The following GALNT13 variants were observed in gnomAD, a reference collection of about 807,000 sequenced individuals.
GALNT13 encodes UDP-GalNAc:polypeptide N-acetylgalactosaminyltransferase 13.
GALNT13 carries 28 observed loss-of-function variants against 64.2 expected under a neutral mutation model. That is an observed-to-expected ratio of 0.44 (90% CI 0.32 to 0.60). The LOEUF (loss-of-function observed/expected upper bound fraction) is 0.60, where lower values mean the gene tolerates loss of function less well. GALNT13 is among the 20% of genes least tolerant of loss of function. The probability of loss-of-function intolerance (pLI) is 0.05; values close to 1 mark genes in which losing one functional copy is unlikely to be tolerated. For missense variants in GALNT13, 577 were observed against 669.8 expected (o/e 0.86, Z 1.53); for synonymous variants, 214 against 224.6 (o/e 0.95, Z 0.42).
At chr2:153,509,992 GCA>G in the GALNT13 span, among the ~76,000 whole-genome samples, 1 of 152,050 alleles carries the variant, frequency 6.6e-6, no homozygotes, top group Non-Finnish European at 1.5e-5. Flanking sequence ...TTGTTTGATT[GCA>G]CTTATTTGAG....
chr2:153,400,711 G>A, the GALNT13 span, among the ~76,000 whole-genome samples: 51 of 152,118 alleles, frequency 3.4e-4, no homozygotes, highest in Middle Eastern at 3.2e-3. Context: ...GTTTATTTGC[G>A]TAGAGGTATT....
intron 4 of GALNT13, among the ~76,000 whole-genome samples, chr2:154,218,649 G>C (rs1688170054): frequency 6.6e-6 from 1 of 152,046 alleles, no homozygotes; most frequent in Admixed American, 6.6e-5. Flanking sequence ...TTCTCTTACT[G>C]TGTACTTCTG....
intron 9 of GALNT13, among the ~76,000 whole-genome samples, chr2:154,317,388 A>G (rs1574077626): frequency 1.3e-5 from 2 of 152,276 alleles, no homozygotes; most frequent in East Asian, 3.9e-4. Flanking sequence ...GAAGTAAGCT[A>G]CAAATTGAGT....
the GALNT13 span, among the ~76,000 whole-genome samples, chr2:153,366,759 AC>A: frequency 2.1e-5 from 3 of 145,178 alleles, no homozygotes; most frequent in Non-Finnish European, 4.6e-5. Context: ...ACACACACAC[AC>A]ACACACACAC....
chr2:153,814,365 G>T, the GALNT13 span, among the ~76,000 whole-genome samples: 1 of 152,144 alleles, frequency 6.6e-6, no homozygotes, highest in African/African-American at 2.4e-5. Context: ...GCGTGAACCC[G>T]GGAGGCGGAG....
At chr2:154,421,987 A>G (rs904033139) in intron 11 of GALNT13, among the ~76,000 whole-genome samples, 1 of 152,098 alleles carries the variant, frequency 6.6e-6, no homozygotes, top group Non-Finnish European at 1.5e-5. Flanking sequence ...ATGGGTCTAA[A>G]AGACTCCACA....
chr2:153,240,792 A>G, the GALNT13 span, among the ~76,000 whole-genome samples: 2 of 151,950 alleles, frequency 1.3e-5, no homozygotes, highest in African/African-American at 4.8e-5. Flanking sequence ...GGTGTCTGTA[A>G]TGAGTATCCT....
At chr2:153,571,044 G>A in the GALNT13 span, among the ~76,000 whole-genome samples, 1 of 151,680 alleles carries the variant, frequency 6.6e-6, no homozygotes, top group East Asian at 1.9e-4. Flanking sequence ...AGATTGCCTT[G>A]GGTAGTATAG....
intron 4 of GALNT13, among the ~76,000 whole-genome samples, chr2:154,190,224 G>T (rs890815543): frequency 1.3e-5 from 2 of 152,190 alleles, no homozygotes; most frequent in African/African-American, 4.8e-5. Flanking sequence ...CCTTTGCCTG[G>T]CAAGTCAAGG....
At chr2:154,359,959 C>G (rs1208186860) in intron 9 of GALNT13, among the ~76,000 whole-genome samples, 1 of 152,016 alleles carries the variant, frequency 6.6e-6, no homozygotes, top group African/African-American at 2.4e-5. Context: ...AGCCTTTGAT[C>G]TCAAAAATAA....
chr2:154,173,403 G>T (rs1213165380), intron 4 of GALNT13, among the ~76,000 whole-genome samples: 1 of 151,352 alleles, frequency 6.6e-6, no homozygotes, highest in Non-Finnish European at 1.5e-5. Context: ...TTAATAGATT[G>T]AATTAAAGAC....
Position 154,417,513 on chromosome 2 carries a change from A to ATTTTTTTT in GALNT13, c.1395+8434_1395+8435insTTTTTTTT, listed in dbSNP as rs1387223429. Among the ~76,000 whole-genome samples, 680 of 130,216 alleles carry ATTTTTTTT rather than the reference A, an allele frequency of 5.2e-3. 9 individuals are homozygous for ATTTTTTTT. The highest frequency in any genetic ancestry group is 0.012 in the African/African-American group (373 of 30,216). The allele number at this position is 130,216 out of a possible 152,430, so 85.4% of individuals were successfully genotyped here. On this transcript the variant is annotated intron_variant, in intron 11 of 12. Transcript: ENST00000392825. ...CTTTTATTTATTTATTTATTTATTT[A>ATTTTTTTT]TTTATTTATTTTTTTGAGGCGGAGT... is the stretch of plus-strand genomic sequence containing the variant.
At chr2:154,030,861 G>A (rs968372524) in intron 3 of GALNT13, among the ~76,000 whole-genome samples, 12 of 152,116 alleles carry the variant, frequency 7.9e-5, no homozygotes, top group Admixed American at 3.9e-4. Context: ...TTCCTGTCAA[G>A]CCTGTGGAAC....
chr2:153,360,834 C>T, the GALNT13 span, among the ~76,000 whole-genome samples: 1 of 152,068 alleles, frequency 6.6e-6, no homozygotes, highest in African/African-American at 2.4e-5. Flanking sequence ...GAGTGGGATT[C>T]CCCCCAGCAT....
intron 3 of GALNT13, among the ~76,000 whole-genome samples, chr2:154,126,283 GT>G (rs1309040056): frequency 1.3e-5 from 2 of 151,686 alleles, no homozygotes; most frequent in Non-Finnish European, 2.9e-5. Context: ...GACAGCTAGG[GT>G]AAAAAAAAAA....
upstream of GALNT13, among the ~76,000 whole-genome samples, chr2:153,867,045 T>A (rs1685779620): frequency 6.6e-6 from 1 of 152,232 alleles, no homozygotes; most frequent in African/African-American, 2.4e-5. Context: ...AGAATGCCCG[T>A]GCATTATAAG....
chr2:154,159,293 C>T (rs911392046), intron 4 of GALNT13, among the ~76,000 whole-genome samples: 1 of 151,972 alleles, frequency 6.6e-6, no homozygotes, highest in Admixed American at 6.6e-5. Context: ...TGCCACCATG[C>T]CAGGCTAATT....
chr2:154,445,370 CA>C (rs776216112), intron 12 of GALNT13, among the ~76,000 whole-genome samples: 53 of 151,460 alleles, frequency 3.5e-4, no homozygotes, highest in Non-Finnish European at 6.5e-4. Context: ...TTCTATATTA[CA>C]AACATAATTA....
intron 4 of GALNT13, among the ~76,000 whole-genome samples, chr2:154,159,286 C>G (rs998754552): frequency 6.6e-6 from 1 of 152,016 alleles, no homozygotes; most frequent in Non-Finnish European, 1.5e-5. Flanking sequence ...AGGCACATGC[C>G]ACCATGCCAG....
Sources: allele counts gnomAD v4.1 joint callset (sites outside exome capture counted in the v4.1 genomes callset), GRCh38; gene constraint gnomAD v4.1.1; transcripts MANE v1.5; gene names NCBI Gene and HGNC (gene_info 2026-07-23, HGNC 2026-07-21).